The following CAPS2 variants were observed in gnomAD, a reference collection of about 807,000 sequenced individuals.
CAPS2 encodes calcyphosin-2.
Under a neutral mutation model 86.5 loss-of-function variants are expected in CAPS2, and 98 were observed. The observed-to-expected ratio is 1.13, with a 90% CI of 0.96 to 1.34. The LOEUF (loss-of-function observed/expected upper bound fraction) is 1.34. Among genes scored for constraint, CAPS2 ranks in the 40% most tolerant of loss-of-function variants. The pLI is 0.00. For missense variants in CAPS2, 729 were observed against 686.8 expected (o/e 1.06, Z -0.69); for synonymous variants, 210 against 225.1 (o/e 0.93, Z 0.60).
intron 1 of CAPS2, chr12:75,371,527 G>A: frequency 3.5e-6 from 1 of 284,860 alleles, no homozygotes; most frequent in Non-Finnish European, 7.1e-6. Flanking sequence ...TCCACCCCTT[G>A]TCTACTTGAA....
chr12:75,381,487 A>C (rs921592640), intron 1 of CAPS2, among the ~76,000 whole-genome samples: 3 of 150,938 alleles, frequency 2.0e-5, no homozygotes, highest in African/African-American at 7.3e-5. Context: ...ATGTGAAAAG[A>C]GTAGATGCAG....
At chr12:75,291,573 A>ATATATATATATATATATT (rs2035929010) in intron 13 of CAPS2, among the ~76,000 whole-genome samples, 171 bp downstream of exon 13, 1 of 39,496 alleles carries the variant, frequency 2.5e-5, no homozygotes, top group Non-Finnish European at 5.6e-5. Flanking sequence ...AAAAGTATAT[A>ATATATATATATATATATT]TATATATATA....
chr12:75,304,410 A>T (rs1390913437), intron 8 of CAPS2, among the ~76,000 whole-genome samples: 1 of 152,232 alleles, frequency 6.6e-6, no homozygotes, highest in African/African-American at 2.4e-5. Context: ...TCTTATAGTC[A>T]ACACCAAGTT....
At chr12:75,377,197 AG>A (rs1045187290) in intron 1 of CAPS2, among the ~76,000 whole-genome samples, 1 of 152,188 alleles carries the variant, frequency 6.6e-6, no homozygotes, top group African/African-American at 2.4e-5. Flanking sequence ...CAGATTAAGC[AG>A]CCAACTCCAG....
At chr12:75,367,142 G>A (rs1476462917) in intron 1 of CAPS2, 3 of 642,534 alleles carry the variant, frequency 4.7e-6, no homozygotes, top group Non-Finnish European at 8.4e-6. Context: ...CCTCCAAAGT[G>A]GAAACCAAAT....
intron 1 of CAPS2, chr12:75,347,830 C>CT (rs2042558549): frequency 1.9e-6 from 1 of 535,072 alleles, no homozygotes. Context: ...TAAGTAATGA[C>CT]TCCCTCTACA....
intron 1 of CAPS2, among the ~76,000 whole-genome samples, chr12:75,351,466 C>T (rs2042805163): frequency 6.6e-6 from 1 of 152,040 alleles, no homozygotes; most frequent in Admixed American, 6.5e-5. Context: ...AAGGGAAGCC[C>T]ATCAGACTAA....
At chr12:75,357,076 G>C (rs1374179779) in intron 1 of CAPS2, among the ~76,000 whole-genome samples, 14 of 152,108 alleles carry the variant, frequency 9.2e-5, no homozygotes, top group African/African-American at 2.4e-5. Context: ...CTGTAGTTCA[G>C]TTACTCAGGA....
intron 8 of CAPS2, among the ~76,000 whole-genome samples, chr12:75,300,398 T>G (rs1446380012): frequency 1.3e-5 from 2 of 150,860 alleles, no homozygotes; most frequent in Admixed American, 1.3e-4. Flanking sequence ...TACTAAAAAT[T>G]ACAAAAAATT....
chr12:75,376,398 A>G (rs1160206764), intron 1 of CAPS2, among the ~76,000 whole-genome samples: 3 of 152,090 alleles, frequency 2.0e-5, no homozygotes, highest in Non-Finnish European at 4.4e-5. Flanking sequence ...AGTGTAGTGC[A>G]CTTCTTCATG....
At chr12:75,332,759 A>G (rs935415877), upstream of CAPS2, among the ~76,000 whole-genome samples, 3 of 152,208 alleles carry the variant, frequency 2.0e-5, no homozygotes, top group Admixed American at 6.5e-5. Flanking sequence ...GAAGAAAACA[A>G]AGCTACTGTT....
At chr12:75,277,561 C>A (rs1175742633) in exon 17 of CAPS2, 1 of 947,848 alleles carries the variant, frequency 1.1e-6, no homozygotes, top group Non-Finnish European at 1.3e-6. Flanking sequence ...GAAAATAGCA[C>A]TAGAGGTTTA....
intron 1 of CAPS2, among the ~76,000 whole-genome samples, chr12:75,380,837 T>G (rs904310134): frequency 6.6e-5 from 10 of 152,142 alleles, no homozygotes; most frequent in Admixed American, 5.9e-4. Context: ...TTTACCAATA[T>G]ATTGTTTGAG....
Position 75,378,502 on chromosome 12 carries a change from C to A in CAPS2, c.-395+12336G>T, listed in dbSNP as rs188745661. 6.2e-3 allele frequency among the ~76,000 whole-genome samples: 946 copies of A among 152,164 alleles called. 5 individuals carry two copies. The highest frequency in any genetic ancestry group is 9.5e-3 in the Non-Finnish European group (647 of 68,002). ...TGGCTCACAGGATCCTGTGGGCTAA[C>A]AAGTGGAAATTTTTAGGGCAAGCTG... On this transcript the variant is annotated intron_variant, in intron 1 of 5. Transcript: ENST00000551829.
intron 1 of CAPS2, among the ~76,000 whole-genome samples, chr12:75,377,633 C>T (rs2044719236): frequency 6.6e-6 from 1 of 152,104 alleles, no homozygotes; most frequent in Non-Finnish European, 1.5e-5. Context: ...CACAAGTCGG[C>T]TCATTCCACC....
At chr12:75,319,593 T>G (rs2040110049) in intron 5 of CAPS2, among the ~76,000 whole-genome samples, 1 of 152,150 alleles carries the variant, frequency 6.6e-6, no homozygotes, top group South Asian at 2.1e-4. Context: ...TATTTCTTTA[T>G]AGCAACACAA....
exon 4 of CAPS2, chr12:75,322,996 G>C (rs1369359101): frequency 6.5e-7 from 1 of 1,537,924 alleles, no homozygotes; most frequent in South Asian, 1.2e-5. Context: ...ATGATACTGA[G>C]TATATGGAGT....
chr12:75,282,652 A>G (rs1223872949), intron 15 of CAPS2, among the ~76,000 whole-genome samples: 3 of 152,050 alleles, frequency 2.0e-5, no homozygotes, highest in African/African-American at 7.2e-5. Flanking sequence ...CTCCCAAAGT[A>G]CTGGGATTAT....
chr12:75,287,756 T>C (rs1197349295), intron 14 of CAPS2, among the ~76,000 whole-genome samples: 2 of 152,218 alleles, frequency 1.3e-5, no homozygotes, highest in Non-Finnish European at 2.9e-5. Flanking sequence ...TAAGTTTTCC[T>C]GAGTTTTGTG....
Sources: allele counts gnomAD v4.1 joint callset (sites outside exome capture counted in the v4.1 genomes callset), GRCh38; gene constraint gnomAD v4.1.1; transcripts MANE v1.5; gene names NCBI Gene and HGNC (gene_info 2026-07-23, HGNC 2026-07-21).